The following TENM3 variants were observed in gnomAD, a reference collection of about 807,000 sequenced individuals.
TENM3 encodes the protein teneurin transmembrane protein 3.
In TENM3, 63 loss-of-function variants were observed where a neutral mutation model predicts 255.1. The observed-to-expected ratio is 0.25, with a 90% CI of 0.20 to 0.30. The LOEUF (loss-of-function observed/expected upper bound fraction) is 0.30, where lower values mean the gene tolerates loss of function less well. Ranked by LOEUF, TENM3 falls within the 10% of genes least tolerant of loss-of-function variation. TENM3 has a pLI of 1.00. For missense variants in TENM3, 2,929 were observed against 3,461.1 expected (o/e 0.85, Z 3.86); for synonymous variants, 1,306 against 1,322.3 (o/e 0.99, Z 0.27).
the TENM3 span, among the ~76,000 whole-genome samples, chr4:181,550,496 G>A: frequency 3.8e-3 from 574 of 152,264 alleles, 9 homozygotes; most frequent in South Asian, 0.051. Flanking sequence ...TGAATTGATG[G>A]TGGTCAATGA....
At chr4:182,361,586 C>T (rs527539529) in intron 3 of TENM3, among the ~76,000 whole-genome samples, 39 of 152,130 alleles carry the variant, frequency 2.6e-4, no homozygotes, top group South Asian at 4.2e-4. Flanking sequence ...CCTTTAAGCA[C>T]TTCTCTGTAT....
At chr4:182,316,723 C>T (rs1292059732) in intron 1 of TENM3, among the ~76,000 whole-genome samples, 2 of 152,172 alleles carry the variant, frequency 1.3e-5, no homozygotes, top group African/African-American at 4.8e-5. Flanking sequence ...TCGATCAGTA[C>T]TCTGTGGAAC....
intron 1 of TENM3, among the ~76,000 whole-genome samples, chr4:182,154,514 T>C (rs780822263): frequency 3.9e-5 from 6 of 152,202 alleles, no homozygotes; most frequent in Non-Finnish European, 8.8e-5. Flanking sequence ...TAGGTATTAA[T>C]AGATTCCGTG....
chr4:182,458,469 T>C (rs930432802), intron 3 of TENM3, among the ~76,000 whole-genome samples: 16 of 152,182 alleles, frequency 1.1e-4, no homozygotes, highest in African/African-American at 3.6e-4. Flanking sequence ...AGCAAACTTA[T>C]CTGGTGGTGT....
At chr4:181,631,490 C>T in the TENM3 span, among the ~76,000 whole-genome samples, 1 of 152,036 alleles carries the variant, frequency 6.6e-6, no homozygotes, top group East Asian at 1.9e-4. Context: ...CAGGGTTTCA[C>T]CATCTTGGCC....
At chr4:182,654,025 T>C in intron 6 of TENM3, 132 bp downstream of exon 6, 1 of 838,696 alleles carries the variant, frequency 1.2e-6, no homozygotes, top group African/African-American at 1.8e-5. Flanking sequence ...ATCATCTTTT[T>C]ATAAGTTTTT....
At chr4:182,221,652 T>C (rs2149964251) in intron 1 of TENM3, among the ~76,000 whole-genome samples, 1 of 152,346 alleles carries the variant, frequency 6.6e-6, no homozygotes, top group South Asian at 2.1e-4. Context: ...ATGTAAGTTC[T>C]AAATTCAGAC....
the TENM3 span, among the ~76,000 whole-genome samples, chr4:182,062,220 A>G: frequency 1.3e-5 from 2 of 152,200 alleles, no homozygotes; most frequent in Non-Finnish European, 2.9e-5. Context: ...GAATATGTTT[A>G]GTTTTTAGAA....
At position 182,673,002 on chromosome 4, in the gene TENM3, CA is replaced by C. The variant is rs1444266637; in HGVS notation, c.1112-2del. The C allele has an allele frequency of 6.4e-7, 1 of 1,565,618 alleles. No individual in the cohort carries two copies. Among genetic ancestry groups the C allele is most frequent in the African/African-American group, 1.3e-5 (1 of 74,112 alleles). ...TCTTCATCAGTGCATCTCTTACATTCAGGAAAATTAGGTGGATTTACGCAAG... is the reference window on the plus strand; with the variant it reads ...TCTTCATCAGTGCATCTCTTACATTCGGAAAATTAGGTGGATTTACGCAAG... On this transcript the variant is annotated splice_acceptor_variant, in intron 6 of 27. Transcript: ENST00000511685. LOFTEE classifies it high-confidence loss of function.
intron 16 of TENM3, among the ~76,000 whole-genome samples, chr4:182,735,996 A>T (rs1441318312): frequency 6.6e-6 from 1 of 152,168 alleles, no homozygotes; most frequent in Non-Finnish European, 1.5e-5. Context: ...AGTTTCAAAT[A>T]AAAAAGTGTG....
chr4:182,544,469 T>A (rs1169843856), intron 3 of TENM3, among the ~76,000 whole-genome samples: 1 of 151,798 alleles, frequency 6.6e-6, no homozygotes, highest in Non-Finnish European at 1.5e-5. Context: ...TAGCCGGGAT[T>A]ACAGGGGCCC....
the TENM3 span, among the ~76,000 whole-genome samples, chr4:181,677,942 T>C: frequency 2.0e-5 from 3 of 152,178 alleles, no homozygotes; most frequent in Non-Finnish European, 2.9e-5. Context: ...CAGAAAACAT[T>C]ATCTGATCCC....
chr4:182,649,216 T>G (rs1212967328), intron 5 of TENM3, among the ~76,000 whole-genome samples: 1 of 150,038 alleles, frequency 6.7e-6, no homozygotes, highest in Admixed American at 6.7e-5. Context: ...CTCCCATTTA[T>G]AGTTGGTAAA....
At chr4:182,612,528 G>A (rs1162857891) in intron 4 of TENM3, among the ~76,000 whole-genome samples, 1 of 152,072 alleles carries the variant, frequency 6.6e-6, no homozygotes, top group Non-Finnish European at 1.5e-5. Flanking sequence ...TTTTTAGACA[G>A]GAGAAAAATA....
the TENM3 span, among the ~76,000 whole-genome samples, chr4:181,853,261 A>G: frequency 1.1e-4 from 16 of 152,230 alleles, no homozygotes; most frequent in African/African-American, 3.9e-4. Flanking sequence ...AACTGGATAC[A>G]TAGAGTTTTA....
chr4:182,236,338 A>C (rs1255204703), intron 1 of TENM3, among the ~76,000 whole-genome samples: 2 of 152,242 alleles, frequency 1.3e-5, no homozygotes, highest in Non-Finnish European at 2.9e-5. Context: ...ATACGCCTGC[A>C]GTTACTCTCA....
At chr4:182,762,674 T>TATG (rs1445118457) in intron 22 of TENM3, among the ~76,000 whole-genome samples, 2 of 152,188 alleles carry the variant, frequency 1.3e-5, no homozygotes, top group Non-Finnish European at 2.9e-5. Context: ...GTCCCTGGCC[T>TATG]ATGTTTCAGG....
chr4:182,489,114 T>A (rs1349157455), intron 3 of TENM3, among the ~76,000 whole-genome samples: 1 of 152,190 alleles, frequency 6.6e-6, no homozygotes, highest in East Asian at 1.9e-4. Flanking sequence ...GGTTTTTATT[T>A]GTGCAGTGGA....
intron 4 of TENM3, among the ~76,000 whole-genome samples, chr4:182,619,388 G>C (rs1044594227): frequency 6.6e-6 from 1 of 151,596 alleles, no homozygotes; most frequent in African/African-American, 2.4e-5. Context: ...CCGAGATCAC[G>C]CTACTGCACT....
Sources: allele counts gnomAD v4.1 joint callset (sites outside exome capture counted in the v4.1 genomes callset), GRCh38; gene constraint gnomAD v4.1.1; transcripts MANE v1.5; gene names NCBI Gene and HGNC (gene_info 2026-07-23, HGNC 2026-07-21).